The following SDCCAG8 variants were observed in gnomAD, a reference collection of about 807,000 sequenced individuals.
SDCCAG8 encodes serologically defined colon cancer antigen 8.
Under a neutral mutation model 101.8 loss-of-function variants are expected in SDCCAG8, and 74 were observed. That is an observed-to-expected ratio of 0.73 (90% CI 0.60 to 0.88). The LOEUF (loss-of-function observed/expected upper bound fraction) is 0.88. Ranked by LOEUF, SDCCAG8 falls within the 40% of genes least tolerant of loss-of-function variation. The pLI, the probability that SDCCAG8 is intolerant of heterozygous loss-of-function variation, is 0.00. For missense variants in SDCCAG8, 787 were observed against 822.6 expected, an observed-to-expected ratio of 0.96 and a Z score of 0.53; for synonymous variants, 281 against 292.9, an observed-to-expected ratio of 0.96 and a Z score of 0.41.
intron 14 of SDCCAG8, among the ~76,000 whole-genome samples, chr1:243,417,064 A>G (rs1382097449): frequency 6.6e-6 from 1 of 152,226 alleles, no homozygotes; most frequent in Non-Finnish European, 1.5e-5. Context: ...TCATTAAATA[A>G]TCTATTTACT....
intron 1 of SDCCAG8, among the ~76,000 whole-genome samples, chr1:243,257,005 T>C (rs1367074331): frequency 1.3e-5 from 2 of 152,256 alleles, no homozygotes; most frequent in Non-Finnish European, 2.9e-5. Context: ...TCTGTACTTT[T>C]AGATGGCGCT....
At chr1:243,339,703 A>G (rs562931182) in intron 10 of SDCCAG8, among the ~76,000 whole-genome samples, 1 of 152,338 alleles carries the variant, frequency 6.6e-6, no homozygotes, top group South Asian at 2.1e-4. Flanking sequence ...TCGAAGGCAG[A>G]CACCTATCTT....
chr1:243,271,241 G>C (rs2068056724), intron 3 of SDCCAG8, among the ~76,000 whole-genome samples, 178 bp downstream of exon 3: 1 of 151,592 alleles, frequency 6.6e-6, no homozygotes, highest in Admixed American at 6.6e-5. Context: ...ATGGCAGAGG[G>C]AATCTTGATT....
intron 1 of SDCCAG8, among the ~76,000 whole-genome samples, chr1:243,263,114 A>G (rs1370126396): frequency 6.6e-6 from 1 of 152,204 alleles, no homozygotes; most frequent in Non-Finnish European, 1.5e-5. Flanking sequence ...AGAGGCGGCA[A>G]CACTTACAAT....
At chr1:243,265,069 T>C (rs1331938073) in intron 1 of SDCCAG8, among the ~76,000 whole-genome samples, 2 of 152,252 alleles carry the variant, frequency 1.3e-5, no homozygotes, top group African/African-American at 2.4e-5. Context: ...TTATGGGGGC[T>C]TCAGTTGCAA....
intron 13 of SDCCAG8, among the ~76,000 whole-genome samples, chr1:243,414,060 G>A (rs1387101092): frequency 1.3e-5 from 2 of 152,134 alleles, no homozygotes; most frequent in African/African-American, 2.4e-5. Flanking sequence ...GGTATAGAGA[G>A]ATAAAGATGA....
chr1:243,479,877 C>A (rs1663126214), intron 16 of SDCCAG8, among the ~76,000 whole-genome samples: 1 of 151,970 alleles, frequency 6.6e-6, no homozygotes, highest in Non-Finnish European at 1.5e-5. Flanking sequence ...GGTTCTCATG[C>A]TTAAGAATTC....
chr1:243,481,189 G>T (rs1663682693), intron 16 of SDCCAG8, among the ~76,000 whole-genome samples: 1 of 152,052 alleles, frequency 6.6e-6, no homozygotes, highest in African/African-American at 2.4e-5. Flanking sequence ...TTCCAGTCAG[G>T]AGAGCACTGA....
rs1488800445 is a variant in SDCCAG8, at chr1:243,256,091, C to G, written c.-83C>G. On this transcript the variant is annotated 5_prime_UTR_variant, in exon 1 of 18. Coordinates refer to ENST00000366541, the MANE Select transcript of SDCCAG8 (RefSeq NM_006642.5). The stretch of plus-strand genomic sequence containing the variant: ...CGGCAGGAAGCAGGCGGGCGCTCCC[C>G]GGCCACAGGCCTGTTGTTCTCGGAA... The G allele has an allele frequency of 1.5e-6, 2 of 1,365,916 alleles. No individual in the cohort carries two copies. The highest frequency in any genetic ancestry group is 1.8e-4 in the Middle Eastern group (1 of 5,604). The allele number at this position is 1,365,916 out of a possible 1,614,324, so 84.6% of individuals were successfully genotyped here.
Position 243,274,612 on chromosome 1 carries a change from T to C in SDCCAG8, c.376T>C (p.Ser126Pro). The C allele has an allele frequency of 6.2e-7, 1 of 1,611,368 alleles. No homozygotes were observed. Among genetic ancestry groups the C allele is most frequent in the South Asian group, 1.1e-5 (1 of 90,860 alleles). ...HDLVHTINDQ[S>P]QYIHHLEAEV... ...CCTTGTTCATACTATTAATGACCAG[T>C]CTCAATATATTCATCATTTAGAGGC... The change falls in exon 4 of 18, where the codon TCT becomes CCT. Residue 126 changes from serine to proline, a missense_variant. Transcript: ENST00000366541.
In SDCCAG8 at chr1:243,350,898, G is replaced by A. The variant is rs1421228438; in HGVS notation, c.1473+6567G>A. On this transcript the variant is annotated intron_variant, in intron 12 of 17. Transcript: ENST00000366541. ...CAGTCTTCTATTTGATTCTGGAAGC[G>A]TCCTAGAAAGACATCGTTGTATCTT... Among the ~76,000 whole-genome samples the A allele has an allele frequency of 4.6e-5, 7 of 152,188 alleles. No homozygotes were observed. In the East Asian group the frequency reaches 9.6e-4, roughly 21 times the overall value.
Position 243,486,202 on chromosome 1 carries a change from C to CAAAAA in SDCCAG8, c.1986-2788_1986-2784dup, listed in dbSNP as rs57724631. Among the ~76,000 whole-genome samples, 29 of 61,422 alleles carry CAAAAA rather than the reference C, an allele frequency of 4.7e-4. 1 individual carries two copies. Among genetic ancestry groups the CAAAAA allele is most frequent in the Admixed American group, 1.6e-3 (7 of 4,342 alleles). The allele number at this position is 61,422 out of a possible 152,430, so 40.3% of individuals were successfully genotyped here. On this transcript the variant is annotated intron_variant, in intron 16 of 17. Coordinates refer to ENST00000366541, the MANE Select transcript of SDCCAG8 (RefSeq NM_006642.5). ...GGCAACAAGAGCAAAACTCTGCCTC[C>CAAAAA]AAAAAAAAAAAAAAAAAAAAAAAAA...
intron 17 of SDCCAG8, among the ~76,000 whole-genome samples, chr1:243,497,340 G>T (rs12134747): frequency 2.8e-5 from 4 of 141,236 alleles, no homozygotes; most frequent in Admixed American, 7.1e-5. Context: ...GCACGGGTGG[G>T]GGGGGGGGCG....
chr1:243,283,109 A>G (rs2069216430), intron 4 of SDCCAG8, among the ~76,000 whole-genome samples: 1 of 151,978 alleles, frequency 6.6e-6, no homozygotes, highest in African/African-American at 2.4e-5. Context: ...CGGCCTTCCA[A>G]AGTGCTGGGA....
At chr1:243,307,171 A>G (rs1218209008) in intron 7 of SDCCAG8, among the ~76,000 whole-genome samples, 1 of 151,734 alleles carries the variant, frequency 6.6e-6, no homozygotes, top group East Asian at 1.9e-4. Context: ...CAACCCATGT[A>G]CTAGTCAATT....
rs552578847 is a variant in SDCCAG8, at chr1:243,359,454, GA to G, written c.1473+15131del. On this transcript the variant is annotated intron_variant, in intron 12 of 17. Transcript: ENST00000366541. ...TGATCTTAATAAAGTTGTTATTTTA[GA>G]AAAAAAATATATCATCCAAGTCATA... 2.0e-4 allele frequency among the ~76,000 whole-genome samples: 30 copies of G among 151,910 alleles called. No individual in the cohort carries two copies. The East Asian group carries it at 5.2e-3, about 26-fold the overall frequency.
At chr1:243,334,872 G>A (rs1335903486) in intron 10 of SDCCAG8, among the ~76,000 whole-genome samples, 2 of 152,192 alleles carry the variant, frequency 1.3e-5, no homozygotes, top group Non-Finnish European at 2.9e-5. Flanking sequence ...ACAGGCGTGA[G>A]CCACTGCGCG....
intron 10 of SDCCAG8, among the ~76,000 whole-genome samples, chr1:243,335,457 G>C (rs981666308): frequency 6.6e-6 from 1 of 152,164 alleles, no homozygotes. Flanking sequence ...TAGTTCTACT[G>C]TGTAGAAGTA....
At chr1:243,480,235 C>T (rs530421089) in intron 16 of SDCCAG8, among the ~76,000 whole-genome samples, 1 of 149,734 alleles carries the variant, frequency 6.7e-6, no homozygotes, top group African/African-American at 2.5e-5. Context: ...TGTGCAGGAA[C>T]CTGGATGTGA....
Sources: gnomAD v4.1 joint callset for allele counts (sites outside exome capture counted in the v4.1 genomes callset) on GRCh38, gnomAD v4.1.1 for gene constraint, MANE v1.5 for transcripts, NCBI Gene and HGNC (gene_info 2026-07-23, HGNC 2026-07-21) for gene names.